Variants in ARHGAP42 observed in about 807,000 individuals in gnomAD.
ARHGAP42 encodes the protein rho GTPase-activating protein 42.
Under a neutral mutation model 125.0 loss-of-function variants are expected in ARHGAP42, and 63 were observed. The observed-to-expected ratio is 0.50, with a 90% CI of 0.41 to 0.62. ARHGAP42 has a LOEUF of 0.62. ARHGAP42 is among the 20% of genes least tolerant of loss of function. ARHGAP42 has a pLI of 0.00. For missense variants in ARHGAP42, 766 were observed against 1,024.2 expected, an observed-to-expected ratio of 0.75 and a Z score of 3.44; for synonymous variants, 339 against 351.0, an observed-to-expected ratio of 0.97 and a Z score of 0.38.
intron 3 of ARHGAP42, among the ~76,000 whole-genome samples, chr11:100,808,308 T>C (rs1591197936): frequency 6.6e-6 from 1 of 152,090 alleles, no homozygotes; most frequent in African/African-American, 2.4e-5. Flanking sequence ...AAATTTAACT[T>C]GATAATTTGA....
chr11:100,874,584 G>A (rs1474435798), intron 4 of ARHGAP42, among the ~76,000 whole-genome samples: 4 of 152,114 alleles, frequency 2.6e-5, no homozygotes, highest in East Asian at 3.9e-4. Flanking sequence ...TGGAGCCCCC[G>A]TATTTTCCAT....
intron 3 of ARHGAP42, among the ~76,000 whole-genome samples, chr11:100,850,641 T>G (rs1684022958): frequency 1.3e-5 from 2 of 152,216 alleles, no homozygotes; most frequent in Non-Finnish European, 2.9e-5. Context: ...ATCTAGTTAT[T>G]AAAGCATGTC....
intron 4 of ARHGAP42, among the ~76,000 whole-genome samples, chr11:100,884,169 A>T (rs1260258572): frequency 1.3e-5 from 2 of 152,234 alleles, no homozygotes. Flanking sequence ...TCATAACAAA[A>T]AAACTATCAG....
At chr11:100,911,148 G>A (rs1458298529) in intron 4 of ARHGAP42, among the ~76,000 whole-genome samples, 1 of 152,194 alleles carries the variant, frequency 6.6e-6, no homozygotes, top group East Asian at 1.9e-4. Context: ...CCGGCTGGTT[G>A]CTCACTTAGT....
chr11:100,837,685 T>TA (rs780482436), intron 3 of ARHGAP42, among the ~76,000 whole-genome samples: 32,314 of 131,376 alleles, frequency 0.25, 4,989 homozygotes, highest in East Asian at 0.32. Flanking sequence ...TTTTTTTTTT[T>TA]TTTTTTTTTT....
At chr11:100,765,127 A>G (rs1375337145) in intron 1 of ARHGAP42, among the ~76,000 whole-genome samples, 1 of 152,212 alleles carries the variant, frequency 6.6e-6, no homozygotes, top group African/African-American at 2.4e-5. Context: ...GTTTCAGACA[A>G]TAACCAGTAC....
At chr11:100,781,366 A>G (rs1455514649) in intron 2 of ARHGAP42, among the ~76,000 whole-genome samples, 1 of 152,022 alleles carries the variant, frequency 6.6e-6, no homozygotes, top group Non-Finnish European at 1.5e-5. Flanking sequence ...CAACTTTAGT[A>G]TAGTGGAGTA....
intron 1 of ARHGAP42, among the ~76,000 whole-genome samples, chr11:100,707,240 T>C (rs778194568): frequency 1.1e-4 from 16 of 152,210 alleles, no homozygotes; most frequent in Admixed American, 5.2e-4. Context: ...TGTGAACATA[T>C]ATTTTCATTC....
At chr11:100,767,906 T>C (rs548950575) in intron 1 of ARHGAP42, among the ~76,000 whole-genome samples, 1 of 152,302 alleles carries the variant, frequency 6.6e-6, no homozygotes, top group South Asian at 2.1e-4. Flanking sequence ...AAGAAAAGCC[T>C]GTCTGAAATT....
chr11:100,978,471 T>C (rs1858445830), intron 21 of ARHGAP42, among the ~76,000 whole-genome samples: 1 of 152,230 alleles, frequency 6.6e-6, no homozygotes, highest in Non-Finnish European at 1.5e-5. Flanking sequence ...AAACAAGATG[T>C]AAATCTACAG....
In ARHGAP42 at chr11:100,976,443, G is replaced by A; in HGVS notation, c.2236+6G>A. ...ATCCATCTCTGCAGCTGAAGGTAAG[G>A]CAGAGTGGAACTTGTGCAAGATGTC... is the stretch of plus-strand genomic sequence containing the variant. On this transcript the variant is annotated splice_donor_region_variant and intron_variant, in intron 20 of 23. Coordinates refer to ENST00000298815, the MANE Select transcript of ARHGAP42 (RefSeq NM_152432.4). The A allele has an allele frequency of 8.6e-6, 13 of 1,511,950 alleles. No homozygotes were observed. Among genetic ancestry groups the A allele is most frequent in the Non-Finnish European group, 1.1e-5 (13 of 1,132,228 alleles). The allele number at this position is 1,511,950 out of a possible 1,614,324, so 93.7% of individuals were successfully genotyped here. A position where few individuals can be genotyped will look rare whatever the true frequency, so the allele number is the denominator to read the frequency against.
At chr11:100,903,117 GCACACACACACA>G (rs1555021069) in intron 4 of ARHGAP42, among the ~76,000 whole-genome samples, 11 of 132,036 alleles carry the variant, frequency 8.3e-5, no homozygotes, top group South Asian at 2.7e-4. Context: ...TCCAAGATGC[GCACACACACACA>G]CACACACACA....
intron 4 of ARHGAP42, among the ~76,000 whole-genome samples, chr11:100,897,669 G>A (rs1218510802): frequency 6.6e-6 from 1 of 152,150 alleles, no homozygotes; most frequent in African/African-American, 2.4e-5. Context: ...AGGAATGCTT[G>A]TGATTTTTGC....
intron 4 of ARHGAP42, among the ~76,000 whole-genome samples, chr11:100,911,793 C>G (rs1866926056): frequency 6.6e-6 from 1 of 152,120 alleles, no homozygotes; most frequent in Admixed American, 6.6e-5. Context: ...ATGTGAGTTT[C>G]TTAACACACC....
chr11:100,869,895 T>C (rs2135156675), intron 4 of ARHGAP42, among the ~76,000 whole-genome samples: 1 of 152,276 alleles, frequency 6.6e-6, no homozygotes, highest in South Asian at 2.1e-4. Context: ...ACTTAAGAAA[T>C]GTTTGAAGCT....
At chr11:100,859,310 A>G (rs1176552298) in intron 3 of ARHGAP42, 3 of 376,830 alleles carry the variant, frequency 8.0e-6, no homozygotes, top group African/African-American at 6.3e-5. Context: ...ATTCAAACTA[A>G]GATTTCACCA....
intron 4 of ARHGAP42, among the ~76,000 whole-genome samples, chr11:100,905,413 G>A (rs1866697561): frequency 6.6e-6 from 1 of 152,108 alleles, no homozygotes; most frequent in African/African-American, 2.4e-5. Context: ...TATGGAAAAT[G>A]AATATTTAGC....
chr11:100,896,972 G>A (rs1410491530), intron 4 of ARHGAP42, among the ~76,000 whole-genome samples: 1 of 152,076 alleles, frequency 6.6e-6, no homozygotes, highest in Non-Finnish European at 1.5e-5. Context: ...TATGGTTTTA[G>A]GTCTAACATT....
At chr11:100,784,776 A>T (rs1458141478) in intron 2 of ARHGAP42, among the ~76,000 whole-genome samples, 1 of 152,162 alleles carries the variant, frequency 6.6e-6, no homozygotes, top group African/African-American at 2.4e-5. Context: ...AAAGTGTATA[A>T]ATTTCAGATC....
Sources: gnomAD v4.1 joint callset for allele counts (sites outside exome capture counted in the v4.1 genomes callset) on GRCh38, gnomAD v4.1.1 for gene constraint, MANE v1.5 for transcripts, NCBI Gene and HGNC (gene_info 2026-07-23, HGNC 2026-07-21) for gene names.